Variants in NLRP8 observed in about 807,000 individuals in gnomAD.
NLRP8 encodes the protein NLR family pyrin domain containing 8.
In NLRP8, 86 loss-of-function variants were observed where a neutral mutation model predicts 88.7. That is an observed-to-expected ratio of 0.97 (90% CI 0.81 to 1.16). The LOEUF is 1.16. NLRP8 is among the 50% of genes most tolerant of loss of function. The probability of loss-of-function intolerance (pLI) is 0.00; values close to 1 mark genes in which losing one functional copy is unlikely to be tolerated. For missense variants in NLRP8, 1,342 were observed against 1,286.5 expected (o/e 1.04, Z -0.66); for synonymous variants, 504 against 494.6 (o/e 1.02, Z -0.25).
intron 9 of NLRP8, chr19:55,987,762 C>T: frequency 2.2e-6 from 3 of 1,346,486 alleles, no homozygotes; most frequent in South Asian, 2.3e-5. Flanking sequence ...AGGGAAGTCA[C>T]TCATCCTCAG....
At chr19:55,966,417 G>A (rs772503306) in intron 5 of NLRP8, 37 bp downstream of exon 5, 2 of 1,600,460 alleles carry the variant, frequency 1.2e-6, no homozygotes, top group East Asian at 2.2e-5. Flanking sequence ...GGGAACCGGG[G>A]TACCCGGATG....
chr19:55,977,542 TATTA>T (rs1156963972), intron 8 of NLRP8, among the ~76,000 whole-genome samples: 2 of 145,776 alleles, frequency 1.4e-5, no homozygotes, highest in African/African-American at 5.0e-5. Context: ...TTAAAATATA[TATTA>T]ATTATATTAA....
At chr19:55,950,303 C>CAGCT (rs57800389) in intron 1 of NLRP8, among the ~76,000 whole-genome samples, 2,458 of 151,478 alleles carry the variant, frequency 0.016, 76 homozygotes, top group African/African-American at 0.056. Context: ...CCTGTAATCC[C>CAGCT]AGCTATTCGG....
Position 55,954,899 on chromosome 19 carries a change from C to T in NLRP8, c.841C>T (p.Leu281Phe), listed in dbSNP as rs1291407034. 1.9e-6 allele frequency: 3 copies of T among 1,614,080 alleles called. No individual in the cohort carries two copies. Among genetic ancestry groups the T allele is most frequent in the Non-Finnish European group, 2.5e-6 (3 of 1,180,050 alleles). Residue 281 changes from leucine to phenylalanine, a missense_variant, in exon 3 of 10, where the codon CTT becomes TTT. Coordinates refer to ENST00000291971, the MANE Select transcript of NLRP8 (RefSeq NM_176811.2). ...AAAGATTATGTCCAAACCCGACCAA[C>T]TTCTGCTGCTCTTGGATGGCTTTGA...
In NLRP8 at chr19:55,959,224, T is replaced by G. The variant is rs1266706973; in HGVS notation, c.2043-2843T>G. On this transcript the variant is annotated intron_variant, in intron 3 of 9. Coordinates refer to ENST00000291971, the MANE Select transcript of NLRP8 (RefSeq NM_176811.2). ...TTGTATGTATGTATGTTTGTTAGTTTGTTTTGAGACAGAGTCTTGCTCTGT... is the reference window on the plus strand; with the variant it reads ...TTGTATGTATGTATGTTTGTTAGTTGGTTTTGAGACAGAGTCTTGCTCTGT... Among the ~76,000 whole-genome samples, 7 of 147,432 alleles carry G rather than the reference T, an allele frequency of 4.7e-5. No homozygotes were observed. In the Admixed American group the frequency reaches 4.8e-4, roughly 10 times the overall value.
intron 1 of NLRP8, 99 bp from the exon 2 acceptor site, chr19:55,952,439 T>C (rs1268978702): frequency 5.7e-6 from 5 of 872,790 alleles, no homozygotes; most frequent in Admixed American, 3.7e-5. Flanking sequence ...TGAAGCCATG[T>C]GGCTGCTTCT....
intron 3 of NLRP8, among the ~76,000 whole-genome samples, chr19:55,958,776 C>G (rs1307170352): frequency 6.6e-6 from 1 of 152,200 alleles, no homozygotes; most frequent in Non-Finnish European, 1.5e-5. Flanking sequence ...GTCTTGATCT[C>G]CTGGGCTCAA....
chr19:55,966,529 G>A (rs778559572), intron 5 of NLRP8, 149 bp downstream of exon 5: 65 of 768,390 alleles, frequency 8.5e-5, no homozygotes, highest in Admixed American at 1.2e-4. Context: ...TGGGCCGGGC[G>A]CGGTGGCTCA....
chr19:55,983,934 A>T (rs2123232928), intron 9 of NLRP8, among the ~76,000 whole-genome samples: 1 of 152,260 alleles, frequency 6.6e-6, no homozygotes, highest in Admixed American at 6.5e-5. Flanking sequence ...AAGGGCTTCT[A>T]AAAAATTACT....
chr19:55,981,978 T>C (rs1980594397), intron 9 of NLRP8, among the ~76,000 whole-genome samples: 1 of 151,952 alleles, frequency 6.6e-6, no homozygotes, highest in South Asian at 2.1e-4. Flanking sequence ...CTCGGCTCAC[T>C]GCAACCTCCA....
intron 9 of NLRP8, among the ~76,000 whole-genome samples, chr19:55,987,193 A>G (rs1011387140): frequency 6.6e-6 from 1 of 152,066 alleles, no homozygotes; most frequent in Non-Finnish European, 1.5e-5. Flanking sequence ...ACATGGTGAA[A>G]TCCTCATCTC....
At chr19:55,979,304 A>T in intron 8 of NLRP8, 90 bp from the exon 9 acceptor site, 1 of 1,391,784 alleles carries the variant, frequency 7.2e-7, no homozygotes, top group South Asian at 1.3e-5. Flanking sequence ...TGTCAGTGTG[A>T]TTTCTTGGCT....
chr19:55,966,398 G>C lies in NLRP8; in HGVS notation c.2381+18G>C, dbSNP rs367652997. On this transcript the variant is annotated intron_variant, in intron 5 of 9. Coordinates refer to ENST00000291971, the MANE Select transcript of NLRP8 (RefSeq NM_176811.2). ...TGTCTCAGGTGAGATTTGAGAGGGG[G>C]GTTAGAGTGGGAACCGGGGTACCCG... 3.6e-4 allele frequency: 584 copies of C among 1,610,726 alleles called. No individual in the cohort carries two copies. Among genetic ancestry groups the C allele is most frequent in the Non-Finnish European group, 4.8e-4 (571 of 1,177,780 alleles).
chr19:55,954,773 T>A lies in NLRP8; in HGVS notation c.715T>A (p.Cys239Ser). ...CAAGTTCTACGCCCACAAGCGCTGG[T>A]GTGCTTTCTACTTCCATTGCCAAGA... The change falls in exon 3 of 10, where the codon TGT becomes AGT. Residue 239 changes from cysteine (C) to serine (S), a missense_variant. Physicochemically the swap from Cys to Ser is moderately radical, Grantham distance 112. Coordinates refer to ENST00000291971, the MANE Select transcript of NLRP8 (RefSeq NM_176811.2). The A allele has an allele frequency of 2.5e-6, 4 of 1,614,210 alleles. No individual in the cohort carries two copies. The highest frequency in any genetic ancestry group is 3.4e-6 in the Non-Finnish European group (4 of 1,180,042).
intron 9 of NLRP8, among the ~76,000 whole-genome samples, chr19:55,985,100 G>A (rs1225492424): frequency 6.6e-6 from 1 of 152,138 alleles, no homozygotes; most frequent in African/African-American, 2.4e-5. Context: ...TCAGGAGTTC[G>A]AGACCAGCCT....
At chr19:55,974,419 T>C (rs1321516215) in intron 7 of NLRP8, among the ~76,000 whole-genome samples, 1 of 152,076 alleles carries the variant, frequency 6.6e-6, no homozygotes, top group African/African-American at 2.4e-5. Flanking sequence ...TGAGTCTGCT[T>C]TTAGCTTCCC....
chr19:55,956,974 G>A (rs1160269170), intron 3 of NLRP8, among the ~76,000 whole-genome samples: 1 of 151,868 alleles, frequency 6.6e-6, no homozygotes, highest in Non-Finnish European at 1.5e-5. Flanking sequence ...TTATTTTTTT[G>A]GAGAGATGAG....
rs750251350 is a variant in NLRP8 at position 55,956,059 on chromosome 19, G to A, written c.2001G>A (p.Met667Ile). 3 of 1,614,018 alleles carry A rather than the reference G, an allele frequency of 1.9e-6. No homozygotes were observed. The Admixed American group carries it at 5.0e-5, about 27-fold the overall frequency. Residue 667 changes from methionine (M) to isoleucine (I), a missense_variant, in exon 3 of 10, where the codon ATG becomes ATA. Met to Ile is a conservative substitution (Grantham distance 10). Transcript: ENST00000291971. ...AACTGACCGTCACCCTGAACTTCAT[G>A]AACGTGTGGAAGCTCAGCTCCAGCT...
chr19:55,948,280 A>G lies in NLRP8; in HGVS notation c.367+11A>G. ...GCAGAGAGATAAATGGTGAGTGTTG[A>G]TCTGGTGGATAAAGTGGGGGTGGGC... On this transcript the variant is annotated intron_variant, in intron 1 of 9. Coordinates refer to ENST00000291971, the MANE Select transcript of NLRP8 (RefSeq NM_176811.2). 2.5e-6 allele frequency: 4 copies of G among 1,599,402 alleles called. No homozygotes were observed. Among genetic ancestry groups the G allele is most frequent in the Non-Finnish European group, 3.4e-6 (4 of 1,169,328 alleles).
Sources: gnomAD v4.1 joint callset for allele counts (sites outside exome capture counted in the v4.1 genomes callset) on GRCh38, gnomAD v4.1.1 for gene constraint, MANE v1.5 for transcripts, NCBI Gene and HGNC (gene_info 2026-07-23, HGNC 2026-07-21) for gene names.